The following ELOVL2 variants were observed in gnomAD, a reference collection of about 807,000 sequenced individuals.
The protein encoded by ELOVL2 is very long chain fatty acid elongase 2.
ELOVL2 carries 38 observed loss-of-function variants against 37.7 expected under a neutral mutation model. That is an observed-to-expected ratio of 1.01 (90% CI 0.78 to 1.32). ELOVL2 has a LOEUF of 1.32. ELOVL2 is among the 40% of genes most tolerant of loss of function. The pLI is 0.00. For synonymous variants in ELOVL2, 115 were observed against 122.3 expected, an observed-to-expected ratio of 0.94 and a Z score of 0.40; for missense variants, 352 against 363.6, an observed-to-expected ratio of 0.97 and a Z score of 0.26.
intron 2 of ELOVL2, among the ~76,000 whole-genome samples, chr6:11,006,246 C>G (rs1053893641): frequency 2.7e-4 from 41 of 152,194 alleles, no homozygotes; most frequent in African/African-American, 8.2e-4. Context: ...ACTGAGGACC[C>G]AGATCTGGCC....
intron 5 of ELOVL2, among the ~76,000 whole-genome samples, chr6:10,992,606 T>C (rs1277573516): frequency 2.0e-5 from 3 of 151,484 alleles, no homozygotes; most frequent in African/African-American, 7.3e-5. Flanking sequence ...CTGGCCAACA[T>C]GATGAAACCC....
rs1782353792 is a variant in ELOVL2 at position 11,000,097 on chromosome 6, G to C, written c.323C>G (p.Ala108Gly). The change falls in exon 4 of 8, where the codon GCT becomes GGT. Residue 108 changes from alanine (A) to glycine (G), a missense_variant. Transcript: ENST00000354666. Reference protein sequence around the residue: ...QCQDLTSAGEADIRVAKVLWW... With the variant: ...QCQDLTSAGEGDIRVAKVLWW... ...CTTCTAGTGGCTCACCCGGATGTCAGCTTCCCCTGCGCTGGTAAGATCTTG... is the reference window on the plus strand; with the variant it reads ...CTTCTAGTGGCTCACCCGGATGTCACCTTCCCCTGCGCTGGTAAGATCTTG... The C allele has an allele frequency of 6.2e-7, 1 of 1,614,078 alleles. No individual in the cohort carries two copies. The highest frequency in any genetic ancestry group is 8.5e-7 in the Non-Finnish European group (1 of 1,179,952).
intron 3 of ELOVL2, among the ~76,000 whole-genome samples, chr6:11,001,413 C>A (rs1368070773): frequency 3.3e-5 from 5 of 152,206 alleles, no homozygotes; most frequent in African/African-American, 1.2e-4. Flanking sequence ...TAGTTCTCAA[C>A]TGGGAATCAG....
At chr6:10,998,930 T>C (rs138455507) in intron 4 of ELOVL2, among the ~76,000 whole-genome samples, 63 of 152,366 alleles carry the variant, frequency 4.1e-4, no homozygotes, top group Non-Finnish European at 7.8e-4. Flanking sequence ...TGAGTTTTAG[T>C]TTAACTTTTT....
intron 3 of ELOVL2, among the ~76,000 whole-genome samples, chr6:11,002,622 T>C (rs1488491180): frequency 1.3e-5 from 2 of 152,176 alleles, no homozygotes; most frequent in Non-Finnish European, 2.9e-5. Context: ...ATAAAATCAG[T>C]GGTAGGCAAT....
intron 1 of ELOVL2, among the ~76,000 whole-genome samples, chr6:11,034,682 C>CAATA (rs201500784): frequency 0.01 from 1,542 of 147,054 alleles, 15 homozygotes; most frequent in Non-Finnish European, 0.013. Context: ...GACTTTTTCT[C>CAATA]AATAAATAAA....
intron 1 of ELOVL2, among the ~76,000 whole-genome samples, chr6:11,014,417 TG>T (rs1208813151): frequency 6.7e-6 from 1 of 149,832 alleles, no homozygotes; most frequent in Non-Finnish European, 1.5e-5. Context: ...AGGCGGAGGT[TG>T]CAGTGAGCTG....
At chr6:11,011,023 T>C (rs1041434981) in intron 1 of ELOVL2, among the ~76,000 whole-genome samples, 1 of 152,162 alleles carries the variant, frequency 6.6e-6, no homozygotes, top group Non-Finnish European at 1.5e-5. Context: ...ATTCCTCTTA[T>C]TTCCTTAGGC....
chr6:11,016,493 G>C (rs912628269), intron 1 of ELOVL2, among the ~76,000 whole-genome samples: 3 of 152,158 alleles, frequency 2.0e-5, no homozygotes, highest in Non-Finnish European at 4.4e-5. Context: ...TCAATGACAA[G>C]AAGTCAGGAA....
chr6:11,025,169 C>T (rs2018369255), intron 1 of ELOVL2, among the ~76,000 whole-genome samples: 1 of 152,168 alleles, frequency 6.6e-6, no homozygotes, highest in African/African-American at 2.4e-5. Flanking sequence ...CCTCAGTTTT[C>T]TTTAAAAGGC....
At chr6:11,014,400 A>T (rs1239170123) in intron 1 of ELOVL2, among the ~76,000 whole-genome samples, 1 of 150,422 alleles carries the variant, frequency 6.6e-6, no homozygotes, top group Non-Finnish European at 1.5e-5. Flanking sequence ...AATCACTTGA[A>T]TGCAGGAGGC....
At chr6:11,041,858 T>C (rs1783102650) in intron 1 of ELOVL2, among the ~76,000 whole-genome samples, 1 of 152,210 alleles carries the variant, frequency 6.6e-6, no homozygotes, top group South Asian at 2.1e-4. Context: ...AGAAAAAATA[T>C]TTATTTTGGA....
At chr6:11,038,126 T>C (rs1783042505) in intron 1 of ELOVL2, among the ~76,000 whole-genome samples, 1 of 152,196 alleles carries the variant, frequency 6.6e-6, no homozygotes, top group Non-Finnish European at 1.5e-5. Flanking sequence ...TTATCTTCTT[T>C]GAAACTGTAA....
chr6:11,041,003 A>T (rs1783091409), intron 1 of ELOVL2, among the ~76,000 whole-genome samples: 1 of 152,236 alleles, frequency 6.6e-6, no homozygotes. Context: ...ATTTATTAGA[A>T]TTGTTCATTG....
chr6:10,998,649 T>C (rs1271738808), intron 4 of ELOVL2, among the ~76,000 whole-genome samples: 3 of 152,192 alleles, frequency 2.0e-5, no homozygotes, highest in African/African-American at 7.2e-5. Context: ...GTGATGATCC[T>C]TGTAGTCCTG....
intron 3 of ELOVL2, among the ~76,000 whole-genome samples, chr6:11,000,499 AAAC>A (rs1208327569): frequency 6.6e-6 from 1 of 152,252 alleles, no homozygotes; most frequent in East Asian, 1.9e-4. Context: ...AATTAGTTGA[AAAC>A]AACTGTGAGA....
chr6:11,030,070 C>T (rs1432320011), intron 1 of ELOVL2, among the ~76,000 whole-genome samples: 1 of 152,174 alleles, frequency 6.6e-6, no homozygotes, highest in Non-Finnish European at 1.5e-5. Context: ...TTGGTTGCAG[C>T]TATTGTTGGT....
chr6:10,989,640 C>CAAA (rs5874298), intron 7 of ELOVL2, 63 bp downstream of exon 7: 132 of 1,360,774 alleles, frequency 9.7e-5, no homozygotes, highest in South Asian at 2.4e-4. Context: ...ACTCTGTCTC[C>CAAA]AAAAAAAAAA....
At chr6:10,996,685 A>G (rs1782274574) in intron 4 of ELOVL2, among the ~76,000 whole-genome samples, 1 of 150,406 alleles carries the variant, frequency 6.6e-6, no homozygotes, top group Non-Finnish European at 1.5e-5. Flanking sequence ...AAAAAAAAAA[A>G]AATCCATCTT....
Sources: gnomAD v4.1 joint callset for allele counts (sites outside exome capture counted in the v4.1 genomes callset) on GRCh38, gnomAD v4.1.1 for gene constraint, MANE v1.5 for transcripts, NCBI Gene and HGNC (gene_info 2026-07-23, HGNC 2026-07-21) for gene names.